Variants in ATP8A1 observed in about 807,000 individuals in gnomAD.
ATP8A1 encodes ATPase phospholipid transporting 8A1, also known as phospholipid-transporting ATPase IA.
ATP8A1 carries 90 observed loss-of-function variants against 177.7 expected under a neutral mutation model. The ratio of observed to expected loss-of-function variants is 0.51; its 90% CI spans 0.43 to 0.60. ATP8A1 has a LOEUF of 0.60. Ranked by LOEUF, ATP8A1 falls within the 20% of genes least tolerant of loss-of-function variation. ATP8A1 has a pLI of 0.00. For synonymous variants in ATP8A1, 493 were observed against 485.9 expected, an observed-to-expected ratio of 1.01 and a Z score of -0.19; for missense variants, 1,072 against 1,392.8, an observed-to-expected ratio of 0.77 and a Z score of 3.67.
chr4:42,505,785 T>C (rs1724301995), intron 23 of ATP8A1, among the ~76,000 whole-genome samples: 1 of 152,250 alleles, frequency 6.6e-6, no homozygotes, highest in Non-Finnish European at 1.5e-5. Flanking sequence ...TGTGGTTTCA[T>C]GCTGTGAACT....
intron 20 of ATP8A1, among the ~76,000 whole-genome samples, chr4:42,527,371 T>C (rs1404844943): frequency 5.3e-5 from 8 of 152,214 alleles, no homozygotes; most frequent in East Asian, 1.9e-4. Context: ...AGGACCCTGA[T>C]GAAGCTGGGG....
chr4:42,453,576 C>T (rs1718163420), intron 29 of ATP8A1, among the ~76,000 whole-genome samples: 1 of 152,204 alleles, frequency 6.6e-6, no homozygotes. Flanking sequence ...ATACTACCCG[C>T]TATACCCTTT....
chr4:42,621,691 T>A (rs1737476722), intron 4 of ATP8A1, among the ~76,000 whole-genome samples: 1 of 152,204 alleles, frequency 6.6e-6, no homozygotes, highest in Non-Finnish European at 1.5e-5. Flanking sequence ...CTACCATTCT[T>A]TACAGAATGT....
chr4:42,528,265 C>T (rs1726904265), intron 20 of ATP8A1, among the ~76,000 whole-genome samples: 1 of 152,114 alleles, frequency 6.6e-6, no homozygotes, highest in South Asian at 2.1e-4. Context: ...AGGGTGAGGG[C>T]TATTACGGTG....
chr4:42,549,488 T>C (rs1729275731), intron 18 of ATP8A1, among the ~76,000 whole-genome samples: 2 of 152,094 alleles, frequency 1.3e-5, no homozygotes, highest in African/African-American at 2.4e-5. Context: ...GATTTATCTT[T>C]AGAAAATGAT....
At chr4:42,536,386 C>A (rs1352067408) in intron 20 of ATP8A1, among the ~76,000 whole-genome samples, 1 of 152,112 alleles carries the variant, frequency 6.6e-6, no homozygotes, top group African/African-American at 2.4e-5. Flanking sequence ...TGGAAATATA[C>A]AACCCTCCTA....
chr4:42,418,198 T>C (rs1254084779), intron 35 of ATP8A1, among the ~76,000 whole-genome samples: 4 of 152,140 alleles, frequency 2.6e-5, no homozygotes, highest in Non-Finnish European at 4.4e-5. Flanking sequence ...TCTCCCTGCA[T>C]GCAAAAGCTG....
intron 24 of ATP8A1, among the ~76,000 whole-genome samples, chr4:42,488,504 T>G (rs1361971636): frequency 6.6e-6 from 1 of 152,226 alleles, no homozygotes; most frequent in African/African-American, 2.4e-5. Flanking sequence ...CCTCATCATC[T>G]GTCTCTCATC....
chr4:42,446,098 A>AAAAAAAAAAAG lies in ATP8A1; in HGVS notation c.2958+484_2958+485insCTTTTTTTTTT, dbSNP rs1553874360. Among the ~76,000 whole-genome samples, 443 of 146,876 alleles carry AAAAAAAAAAAG rather than the reference A, an allele frequency of 3.0e-3. 2 individuals are homozygous for AAAAAAAAAAAG. The highest frequency in any genetic ancestry group is 0.01 in the African/African-American group (405 of 39,888). On this transcript the variant is annotated intron_variant, in intron 31 of 36. Transcript: ENST00000381668. ...GCCCTCTCAAAAAAAAAAAAAAAAA[A>AAAAAAAAAAAG]AGAGAAGAGATATAGTTTGAAATAA...
chr4:42,435,426 C>CA (rs55945370), intron 33 of ATP8A1, among the ~76,000 whole-genome samples: 46 of 93,960 alleles, frequency 4.9e-4, no homozygotes, highest in African/African-American at 9.4e-4. Context: ...GACTTCATCT[C>CA]AAAAAAAAAA....
chr4:42,434,458 C>G (rs1163156204), intron 33 of ATP8A1, among the ~76,000 whole-genome samples: 1 of 152,138 alleles, frequency 6.6e-6, no homozygotes, highest in Non-Finnish European at 1.5e-5. Flanking sequence ...TTAAATACCT[C>G]AAAACTTCAA....
chr4:42,429,710 T>C (rs1715047222), intron 33 of ATP8A1, among the ~76,000 whole-genome samples: 1 of 152,200 alleles, frequency 6.6e-6, no homozygotes, highest in South Asian at 2.1e-4. Flanking sequence ...TACTGTTCAC[T>C]ATAGCCAAAG....
At chr4:42,502,351 T>C (rs12510520) in intron 24 of ATP8A1, among the ~76,000 whole-genome samples, 21,982 of 152,154 alleles carry the variant, frequency 0.14, 1,812 homozygotes, top group East Asian at 0.26. Context: ...AATACACTGG[T>C]ACAACACAAT....
At chr4:42,521,817 C>T (rs1007647864) in intron 22 of ATP8A1, among the ~76,000 whole-genome samples, 1 of 152,106 alleles carries the variant, frequency 6.6e-6, no homozygotes, top group Non-Finnish European at 1.5e-5. Flanking sequence ...TCAAAGCACA[C>T]ATGTCATGTA....
intron 25 of ATP8A1, among the ~76,000 whole-genome samples, chr4:42,469,769 C>T (rs1232453335): frequency 6.6e-6 from 1 of 152,162 alleles, no homozygotes; most frequent in Non-Finnish European, 1.5e-5. Context: ...GCTGTGTCTC[C>T]ACCTGTTAAA....
intron 35 of ATP8A1, among the ~76,000 whole-genome samples, chr4:42,415,651 T>C (rs892179702): frequency 6.6e-6 from 1 of 152,216 alleles, no homozygotes; most frequent in African/African-American, 2.4e-5. Context: ...TCCATATGTG[T>C]TGCAGCAAAT....
intron 12 of ATP8A1, among the ~76,000 whole-genome samples, chr4:42,577,061 C>T (rs183655520): frequency 1.3e-5 from 2 of 152,310 alleles, no homozygotes; most frequent in East Asian, 3.9e-4. Context: ...AGTGTTCTAT[C>T]TGTCAGATGT....
chr4:42,420,280 G>C (rs1162909499), intron 35 of ATP8A1, among the ~76,000 whole-genome samples: 3 of 152,194 alleles, frequency 2.0e-5, no homozygotes, highest in African/African-American at 7.2e-5. Flanking sequence ...GATCACCAGT[G>C]GGCGGCAGTG....
At position 42,624,308 on chromosome 4, in the gene ATP8A1, T is replaced by C. The variant is rs116041732; in HGVS notation, c.363+228A>G. 3.5e-4 allele frequency among the ~76,000 whole-genome samples: 54 copies of C among 152,234 alleles called. 1 individual carries two copies. Among genetic ancestry groups the C allele is most frequent in the African/African-American group, 1.3e-3 (54 of 41,568 alleles). Reference sequence around the variant, plus strand: ...CAATTATTACAGTAAATTAATTTCTTTTATTTGCTAAACTATAAATGCAAT... The same window carrying C: ...CAATTATTACAGTAAATTAATTTCTCTTATTTGCTAAACTATAAATGCAAT... On this transcript the variant is annotated intron_variant, in intron 4 of 36. Coordinates refer to ENST00000381668, the MANE Select transcript of ATP8A1 (RefSeq NM_006095.2).
Sources: allele counts gnomAD v4.1 joint callset (sites outside exome capture counted in the v4.1 genomes callset), GRCh38; gene constraint gnomAD v4.1.1; transcripts MANE v1.5; gene names NCBI Gene and HGNC (gene_info 2026-07-23, HGNC 2026-07-21).